Variants in DLC1 observed in about 807,000 individuals in gnomAD.
DLC1 encodes DLC1 Rho GTPase activating protein.
DLC1 carries 54 observed loss-of-function variants against 140.3 expected under a neutral mutation model. The ratio of observed to expected loss-of-function variants is 0.38; its 90% CI spans 0.31 to 0.48. The LOEUF is 0.48. DLC1 is among the 20% of genes least tolerant of loss of function. The pLI is 0.96. For synonymous variants in DLC1, 986 were observed against 728.1 expected, an observed-to-expected ratio of 1.35 and a Z score of -5.70; for missense variants, 2,536 against 1,907.0, an observed-to-expected ratio of 1.33 and a Z score of -6.14.
At chr8:13,301,934 GT>G (rs1832212705) in intron 5 of DLC1, among the ~76,000 whole-genome samples, 1 of 152,166 alleles carries the variant, frequency 6.6e-6, no homozygotes, top group African/African-American at 2.4e-5. Flanking sequence ...TGGAAAAATT[GT>G]TTTCCATGAA....
At chr8:13,263,899 T>C (rs1285161298) in intron 5 of DLC1, among the ~76,000 whole-genome samples, 1 of 151,858 alleles carries the variant, frequency 6.6e-6, no homozygotes, top group Non-Finnish European at 1.5e-5. Context: ...GAAAAATTTC[T>C]ACCCATGTGC....
At chr8:13,507,077 C>G in intron 1 of DLC1, among the ~76,000 whole-genome samples, 1 of 152,126 alleles carries the variant, frequency 6.6e-6, no homozygotes, top group East Asian at 1.9e-4. Flanking sequence ...TAATATAGTT[C>G]TTCAACTCAT....
At chr8:13,092,475 T>C (rs1818154272) in intron 13 of DLC1, 137 bp downstream of exon 13, 2 of 881,896 alleles carry the variant, frequency 2.3e-6, no homozygotes, top group East Asian at 5.4e-5. Context: ...TTATTAGCGG[T>C]GTGAGAATGG....
intron 14 of DLC1, among the ~76,000 whole-genome samples, chr8:13,090,809 C>CTTTTTT (rs34506663): frequency 1.4e-5 from 2 of 140,660 alleles, no homozygotes; most frequent in African/African-American, 2.6e-5. Flanking sequence ...TTCTTTCTTT[C>CTTTTTT]TTTTTTTTTT....
chr8:13,454,671 C>T (rs182767713), intron 2 of DLC1, among the ~76,000 whole-genome samples: 2 of 152,246 alleles, frequency 1.3e-5, no homozygotes, highest in African/African-American at 4.8e-5. Flanking sequence ...CATCCTGCCT[C>T]AGCTGGCCAA....
At chr8:13,438,361 A>G (rs193103150) in intron 2 of DLC1, among the ~76,000 whole-genome samples, 1 of 152,280 alleles carries the variant, frequency 6.6e-6, no homozygotes, top group East Asian at 1.9e-4. Context: ...GATAGGATAA[A>G]TATCGTGTTT....
chr8:13,174,676 T>A (rs893286798), intron 5 of DLC1, among the ~76,000 whole-genome samples: 3 of 152,204 alleles, frequency 2.0e-5, no homozygotes, highest in Non-Finnish European at 4.4e-5. Flanking sequence ...TTAAGAAGCA[T>A]CTGTTCATGT....
chr8:13,162,582 C>G (rs996791249), intron 5 of DLC1, among the ~76,000 whole-genome samples: 2 of 152,182 alleles, frequency 1.3e-5, no homozygotes, highest in Non-Finnish European at 1.5e-5. Flanking sequence ...CTCAGCCTCC[C>G]AAAGTGCTAG....
At chr8:13,510,655 C>G (rs770300267) in intron 1 of DLC1, among the ~76,000 whole-genome samples, 4 of 152,148 alleles carry the variant, frequency 2.6e-5, no homozygotes, top group Non-Finnish European at 4.4e-5. Flanking sequence ...AGCCAGTTTT[C>G]TAACTTTGTC....
At chr8:13,486,833 G>A (rs1800991583) in intron 2 of DLC1, among the ~76,000 whole-genome samples, 1 of 152,194 alleles carries the variant, frequency 6.6e-6, no homozygotes, top group Non-Finnish European at 1.5e-5. Flanking sequence ...CAAAATGCAA[G>A]GGATGTCCTT....
chr8:13,164,308 A>AAATC (rs1554456625), intron 5 of DLC1, among the ~76,000 whole-genome samples: 118 of 145,640 alleles, frequency 8.1e-4, no homozygotes, highest in African/African-American at 2.0e-3. Context: ...AAAAAAAAAA[A>AAATC]TCTCTATATC....
chr8:13,170,037 A>T (rs1432799098), intron 5 of DLC1, among the ~76,000 whole-genome samples: 2 of 152,136 alleles, frequency 1.3e-5, no homozygotes, highest in Non-Finnish European at 2.9e-5. Context: ...AAAAAAATAA[A>T]AAAAATTAGA....
intron 5 of DLC1, among the ~76,000 whole-genome samples, chr8:13,275,741 C>T (rs142047586): frequency 0.017 from 2,562 of 152,252 alleles, 21 homozygotes; most frequent in South Asian, 0.037. Context: ...GTCTTGGAAC[C>T]GAGAGTAGCT....
intron 1 of DLC1, among the ~76,000 whole-genome samples, chr8:13,504,655 TG>T (rs1339887792): frequency 3.4e-4 from 51 of 152,116 alleles, no homozygotes; most frequent in Admixed American, 3.3e-3. Flanking sequence ...TATTAGGAGC[TG>T]GGAATCAATG....
At chr8:13,141,528 A>G (rs936738247) in intron 5 of DLC1, among the ~76,000 whole-genome samples, 1 of 152,148 alleles carries the variant, frequency 6.6e-6, no homozygotes, top group Non-Finnish European at 1.5e-5. Flanking sequence ...ATTTCCACTA[A>G]GGAGACGTTT....
At chr8:13,115,745 A>G (rs1315457241) in intron 5 of DLC1, 88 bp from the exon 6 acceptor site, 1 of 1,218,858 alleles carries the variant, frequency 8.2e-7, no homozygotes, top group African/African-American at 1.5e-5. Context: ...TTATGATACA[A>G]GCAAAACATG....
chr8:13,573,471 C>A (rs1420294659), intron 1 of DLC1, among the ~76,000 whole-genome samples: 1 of 152,096 alleles, frequency 6.6e-6, no homozygotes, highest in African/African-American at 2.4e-5. Flanking sequence ...ATTGCTATGG[C>A]TATCACTTCC....
At chr8:13,212,117 G>T (rs140397764) in intron 5 of DLC1, among the ~76,000 whole-genome samples, 1 of 152,148 alleles carries the variant, frequency 6.6e-6, no homozygotes, top group Non-Finnish European at 1.5e-5. Context: ...TAAACATTCC[G>T]TAGAGAATTT....
chr8:13,456,537 C>A (rs1323198360), intron 2 of DLC1, among the ~76,000 whole-genome samples: 3 of 152,120 alleles, frequency 2.0e-5, no homozygotes, highest in African/African-American at 7.2e-5. Context: ...CAGCTCCCTG[C>A]AACTCCTGCC....
Sources: gnomAD v4.1 joint callset for allele counts (sites outside exome capture counted in the v4.1 genomes callset) on GRCh38, gnomAD v4.1.1 for gene constraint, MANE v1.5 for transcripts, NCBI Gene and HGNC (gene_info 2026-07-23, HGNC 2026-07-21) for gene names.